Variants in ADAM32 observed in about 807,000 individuals in gnomAD.
ADAM32 encodes the protein ADAM metallopeptidase domain 32, also known as disintegrin and metalloproteinase domain-containing protein 32.
A neutral mutation model predicts 114.9 loss-of-function variants in ADAM32; 89 were observed. The ratio of observed to expected loss-of-function variants is 0.77; its 90% confidence interval spans 0.65 to 0.92. The LOEUF (loss-of-function observed/expected upper bound fraction) is 0.92. Ranked by LOEUF, ADAM32 falls within the 40% of genes least tolerant of loss-of-function variation. ADAM32 has a pLI of 0.00. For missense variants in ADAM32, 870 were observed against 932.8 expected, an observed-to-expected ratio of 0.93 and a Z score of 0.88; for synonymous variants, 285 against 307.5, an observed-to-expected ratio of 0.93 and a Z score of 0.77.
chr8:39,186,860 C>T, intron 10 of ADAM32, 49 bp from the exon 11 acceptor site: 2 of 1,438,576 alleles, frequency 1.4e-6, no homozygotes, highest in Non-Finnish European at 1.9e-6. Flanking sequence ...ATTTTTACCA[C>T]CCTTTAGAGA....
chr8:39,154,441 G>A (rs1450041253), intron 6 of ADAM32, among the ~76,000 whole-genome samples: 1 of 152,096 alleles, frequency 6.6e-6, no homozygotes, highest in Non-Finnish European at 1.5e-5. Context: ...GTCTATCATT[G>A]ATGGGCATTT....
At chr8:39,257,886 T>G (rs1425693672) in intron 19 of ADAM32, among the ~76,000 whole-genome samples, 2 of 152,130 alleles carry the variant, frequency 1.3e-5, no homozygotes, top group Non-Finnish European at 2.9e-5. Flanking sequence ...CAGATATTAA[T>G]ATTTTTCTTG....
chr8:39,158,971 A>T (rs1199946659), intron 6 of ADAM32, among the ~76,000 whole-genome samples: 1 of 151,926 alleles, frequency 6.6e-6, no homozygotes, highest in Non-Finnish European at 1.5e-5. Context: ...TTTTGAACAT[A>T]TTTTAAAACA....
At chr8:39,274,271 C>T (rs1479170208) in intron 20 of ADAM32, 41 bp from the exon 21 acceptor site, 1 of 1,604,838 alleles carries the variant, frequency 6.2e-7, no homozygotes. Flanking sequence ...GGCAAGTTTT[C>T]TTAGTACTAA....
At chr8:39,179,343 C>T (rs981041786) in intron 10 of ADAM32, among the ~76,000 whole-genome samples, 1 of 152,198 alleles carries the variant, frequency 6.6e-6, no homozygotes, top group African/African-American at 2.4e-5. Flanking sequence ...GGCTCGAATT[C>T]CAAGCCAGTG....
intron 7 of ADAM32, among the ~76,000 whole-genome samples, chr8:39,161,759 G>A (rs1804520917): frequency 1.3e-5 from 2 of 152,048 alleles, no homozygotes; most frequent in African/African-American, 4.8e-5. Flanking sequence ...AGGATTTGGA[G>A]AAAGAGATGA....
At chr8:39,208,607 A>T (rs1457566508) in intron 11 of ADAM32, among the ~76,000 whole-genome samples, 3 of 152,194 alleles carry the variant, frequency 2.0e-5, no homozygotes, top group East Asian at 3.9e-4. Context: ...CTCCACTTTC[A>T]TTGGTCTAAG....
At position 39,172,891 on chromosome 8, in the gene ADAM32, G is replaced by C. The variant is rs1383970307; in HGVS notation, c.915+2894G>C. ...GATTGCTGGGCTAAATGGTGTTTCT[G>C]CCTCTAGGTCTTTGAGGAATTGCCA... On this transcript the variant is annotated intron_variant, in intron 10 of 24. Transcript: ENST00000379907. Among the ~76,000 whole-genome samples the C allele has an allele frequency of 5.9e-5, 9 of 152,312 alleles. No individual in the cohort carries two copies. In the East Asian group the frequency reaches 1.5e-3, roughly 26 times the overall value.
intron 24 of ADAM32, among the ~76,000 whole-genome samples, chr8:39,283,895 T>G (rs1013288123): frequency 6.6e-6 from 1 of 150,622 alleles, no homozygotes; most frequent in Non-Finnish European, 1.5e-5. Flanking sequence ...TGCCTCAGCC[T>G]CCTGAGTAGC....
intron 3 of ADAM32, among the ~76,000 whole-genome samples, chr8:39,137,124 G>C (rs948772696): frequency 6.6e-6 from 1 of 152,154 alleles, no homozygotes; most frequent in Admixed American, 6.5e-5. Context: ...CAGAGCTGGC[G>C]AATAGTTTAT....
chr8:39,149,066 CT>C (rs1199023901), intron 4 of ADAM32, among the ~76,000 whole-genome samples: 2 of 152,150 alleles, frequency 1.3e-5, no homozygotes, highest in African/African-American at 4.8e-5. Flanking sequence ...CATATGTTAA[CT>C]AGGTCATACT....
At chr8:39,212,206 G>T (rs1217019920) in intron 12 of ADAM32, among the ~76,000 whole-genome samples, 1 of 151,940 alleles carries the variant, frequency 6.6e-6, no homozygotes, top group African/African-American at 2.4e-5. Flanking sequence ...AGTAGAGACG[G>T]TTTCATCACG....
chr8:39,262,419 T>G (rs1812093904), intron 19 of ADAM32, among the ~76,000 whole-genome samples: 1 of 152,236 alleles, frequency 6.6e-6, no homozygotes, highest in Non-Finnish European at 1.5e-5. Flanking sequence ...TCTGTTTTCA[T>G]GCCAGTATCA....
intron 10 of ADAM32, among the ~76,000 whole-genome samples, chr8:39,180,987 C>T (rs1223451393): frequency 1.3e-5 from 2 of 152,156 alleles, no homozygotes; most frequent in African/African-American, 2.4e-5. Context: ...GGTGGAGAAC[C>T]TTTGTATCTA....
chr8:39,115,437 C>CT (rs1314550956), intron 1 of ADAM32, among the ~76,000 whole-genome samples: 29 of 152,118 alleles, frequency 1.9e-4, no homozygotes, highest in Admixed American at 1.9e-3. Context: ...TATTTTTTGA[C>CT]TTTTTAATAA....
chr8:39,218,423 G>A (rs573157271), intron 12 of ADAM32, among the ~76,000 whole-genome samples: 1 of 152,252 alleles, frequency 6.6e-6, no homozygotes, highest in African/African-American at 2.4e-5. Context: ...AGGTGGCAAA[G>A]CCAACCAGGC....
intron 11 of ADAM32, 42 bp from the exon 12 acceptor site, chr8:39,211,102 C>T: frequency 4.5e-6 from 6 of 1,344,706 alleles, no homozygotes; most frequent in South Asian, 4.2e-5. Context: ...AATGTGTTTC[C>T]AGAAGTATAC....
At chr8:39,226,577 A>G (rs1352990165) in intron 14 of ADAM32, among the ~76,000 whole-genome samples, 1 of 151,992 alleles carries the variant, frequency 6.6e-6, no homozygotes, top group East Asian at 1.9e-4. Flanking sequence ...TGTAAGTTGG[A>G]TTTTCTCAGC....
At chr8:39,219,975 G>A (rs1175283094) in intron 12 of ADAM32, among the ~76,000 whole-genome samples, 1 of 152,162 alleles carries the variant, frequency 6.6e-6, no homozygotes, top group Non-Finnish European at 1.5e-5. Context: ...AATTGGTCAA[G>A]TGTTAAATTA....
Sources: allele counts gnomAD v4.1 joint callset (sites outside exome capture counted in the v4.1 genomes callset), GRCh38; gene constraint gnomAD v4.1.1; transcripts MANE v1.5; gene names NCBI Gene and HGNC (gene_info 2026-07-23, HGNC 2026-07-21).